POFUT3: variants seen among roughly 807,000 people sequenced by gnomAD.
POFUT3 encodes the protein GDP-fucose protein O-fucosyltransferase 3.
chr8:33,363,263 T>C, the POFUT3 span, among the ~76,000 whole-genome samples: 2 of 152,122 alleles, frequency 1.3e-5, no homozygotes, highest in Admixed American at 1.3e-4. Context: ...GGGACACATT[T>C]AAAGCAGTGT....
the POFUT3 span, among the ~76,000 whole-genome samples, chr8:33,463,981 C>T: frequency 6.6e-6 from 1 of 152,108 alleles, no homozygotes; most frequent in Non-Finnish European, 1.5e-5. Context: ...AAGAGAAGGT[C>T]TCAAGTCTGC....
At chr8:33,456,771 C>CTTTTTTT in the POFUT3 span, among the ~76,000 whole-genome samples, 1 of 117,324 alleles carries the variant, frequency 8.5e-6, no homozygotes. Flanking sequence ...TTTCTTTTTT[C>CTTTTTTT]TTTTTTTTTT....
At chr8:33,437,461 T>C in the POFUT3 span, among the ~76,000 whole-genome samples, 5 of 151,972 alleles carry the variant, frequency 3.3e-5, no homozygotes, top group East Asian at 7.7e-4. Context: ...ACCATATAAA[T>C]GCCTCTGGAT....
chr8:33,316,741 CA>C, the POFUT3 span, among the ~76,000 whole-genome samples: 56 of 136,768 alleles, frequency 4.1e-4, no homozygotes, highest in Non-Finnish European at 4.2e-4. Context: ...GACTCTGTCT[CA>C]AAAAAAAAAA....
the POFUT3 span, among the ~76,000 whole-genome samples, chr8:33,460,398 C>T: frequency 1.3e-5 from 2 of 152,048 alleles, no homozygotes; most frequent in Admixed American, 6.6e-5. Context: ...GAATGAAGTT[C>T]GGAATAACTG....
the POFUT3 span, among the ~76,000 whole-genome samples, chr8:33,466,806 A>G: frequency 6.6e-6 from 1 of 152,174 alleles, no homozygotes; most frequent in African/African-American, 2.4e-5. Context: ...AGCCATGTCA[A>G]TCAAGACTGG....
the POFUT3 span, chr8:33,388,899 A>G: frequency 8.0e-7 from 1 of 1,256,706 alleles, no homozygotes; most frequent in Non-Finnish European, 1.2e-6. Context: ...AAGGAAATGC[A>G]GGAGAGCAGA....
At chr8:33,371,176 T>A in the POFUT3 span, 1 of 152,314 alleles carries the variant, frequency 6.6e-6, no homozygotes, top group South Asian at 2.1e-4. Context: ...TTAAGAGATA[T>A]GTCCAAGATC....
chr8:33,350,388 A>T, the POFUT3 span, among the ~76,000 whole-genome samples: 1 of 152,130 alleles, frequency 6.6e-6, no homozygotes, highest in Non-Finnish European at 1.5e-5. Context: ...CCTGAAACAG[A>T]GGGTGGTGTC....
chr8:33,471,393 A>C, the POFUT3 span, among the ~76,000 whole-genome samples: 1 of 152,070 alleles, frequency 6.6e-6, no homozygotes, highest in South Asian at 2.1e-4. Context: ...AACTACACGC[A>C]CACGCCACCA....
chr8:33,410,741 G>A, the POFUT3 span, among the ~76,000 whole-genome samples: 2 of 152,144 alleles, frequency 1.3e-5, no homozygotes, highest in East Asian at 3.9e-4. Flanking sequence ...TCCCGGTTGG[G>A]AAATGGAAAG....
chr8:33,309,228 T>C, the POFUT3 span, among the ~76,000 whole-genome samples: 5 of 140,114 alleles, frequency 3.6e-5, no homozygotes, highest in South Asian at 2.3e-4. Context: ...CCTTTCCCCC[T>C]TCCCATTGCA....
chr8:33,362,256 C>T, the POFUT3 span, among the ~76,000 whole-genome samples: 11 of 152,078 alleles, frequency 7.2e-5, no homozygotes, highest in East Asian at 3.9e-4. Flanking sequence ...CTTACAAGAG[C>T]GCCTGAAGGA....
the POFUT3 span, among the ~76,000 whole-genome samples, chr8:33,431,860 G>C: frequency 6.6e-6 from 1 of 152,102 alleles, no homozygotes; most frequent in East Asian, 1.9e-4. Flanking sequence ...GAAGCTTAGA[G>C]ATTTTATATT....
At chr8:33,410,463 G>T in the POFUT3 span, among the ~76,000 whole-genome samples, 31 of 152,246 alleles carry the variant, frequency 2.0e-4, no homozygotes, top group African/African-American at 7.5e-4. Flanking sequence ...CACAGGGGAG[G>T]AGGAGCTGCC....
the POFUT3 span, among the ~76,000 whole-genome samples, chr8:33,338,448 G>T: frequency 2.6e-5 from 4 of 152,110 alleles, no homozygotes; most frequent in African/African-American, 4.8e-5. Flanking sequence ...TTATAGATAA[G>T]AAAACTTGCC....
the POFUT3 span, among the ~76,000 whole-genome samples, chr8:33,457,875 T>C: frequency 6.6e-6 from 1 of 150,460 alleles, no homozygotes; most frequent in Non-Finnish European, 1.5e-5. Context: ...TCCAGAGAAC[T>C]ATGTTTTAGC....
the POFUT3 span, among the ~76,000 whole-genome samples, chr8:33,378,425 C>A: frequency 6.6e-6 from 1 of 152,130 alleles, no homozygotes; most frequent in East Asian, 1.9e-4. Context: ...AGTTACACCA[C>A]TGGGGAGGGG....
the POFUT3 span, among the ~76,000 whole-genome samples, chr8:33,367,425 A>T: frequency 6.6e-6 from 1 of 152,202 alleles, no homozygotes; most frequent in Non-Finnish European, 1.5e-5. Flanking sequence ...AGTTAATTTA[A>T]TATCTATAGA....
Sources: allele counts gnomAD v4.1 joint callset (sites outside exome capture counted in the v4.1 genomes callset), GRCh38; gene constraint gnomAD v4.1.1; transcripts MANE v1.5; gene names NCBI Gene and HGNC (gene_info 2026-07-23, HGNC 2026-07-21).